Variants in PCDHGA1 observed in about 807,000 individuals in gnomAD.
PCDHGA1 encodes protocadherin gamma subfamily A, 1.
In PCDHGA1, 32 loss-of-function variants were observed where a neutral mutation model predicts 58.0. The ratio of observed to expected loss-of-function variants is 0.55; its 90% CI spans 0.42 to 0.74. The LOEUF is 0.74. Among genes scored for constraint, PCDHGA1 ranks in the 30% least tolerant of loss-of-function variants. The pLI is 0.00. For missense variants in PCDHGA1, 1,205 were observed against 1,182.3 expected, an observed-to-expected ratio of 1.02 and a Z score of -0.28; for synonymous variants, 498 against 501.1, an observed-to-expected ratio of 0.99 and a Z score of 0.08.
chr5:141,392,360 CAATCTGATCATTCTGATCT>C (rs1372415416), intron 1 of PCDHGA1: 2 of 152,712 alleles, frequency 1.3e-5, no homozygotes, highest in Non-Finnish European at 2.9e-5. Context: ...TCCGATGCTA[CAATCTGATCATTCTGATCT>C]AATCTGATCA....
At chr5:141,376,675 C>CGTTTTTT (rs1773024325) in intron 1 of PCDHGA1, 1 of 343,980 alleles carries the variant, frequency 2.9e-6, no homozygotes, top group African/African-American at 3.4e-5. Context: ...GTGAGGGTAT[C>CGTTTTTT]GTTTTTTTTT....
intron 1 of PCDHGA1, among the ~76,000 whole-genome samples, chr5:141,363,316 T>C (rs551675221): frequency 4.6e-5 from 7 of 152,280 alleles, no homozygotes; most frequent in Non-Finnish European, 1.0e-4. Context: ...TAGTTTTCTA[T>C]GAAAGTGTTA....
intron 1 of PCDHGA1, chr5:141,428,067 G>A (rs753358896): frequency 6.2e-7 from 1 of 1,609,228 alleles, no homozygotes; most frequent in South Asian, 1.1e-5. Flanking sequence ...GGTGGACGCA[G>A]ATTCGGGACA....
intron 1 of PCDHGA1, chr5:141,371,582 A>G (rs1442849202): frequency 1.9e-6 from 3 of 1,613,934 alleles, no homozygotes; most frequent in East Asian, 2.2e-5. Context: ...AAATCGTTCA[A>G]GATACCAAAA....
intron 1 of PCDHGA1, among the ~76,000 whole-genome samples, chr5:141,488,394 A>C (rs2099674951): frequency 1.3e-5 from 2 of 152,232 alleles, no homozygotes. Flanking sequence ...TGGTGAAACC[A>C]TGAAACCTAG....
intron 1 of PCDHGA1, among the ~76,000 whole-genome samples, chr5:141,472,001 G>A (rs992798148): frequency 1.1e-4 from 17 of 152,022 alleles, no homozygotes; most frequent in East Asian, 3.9e-4. Context: ...TCCCTGCATC[G>A]TATAGGGGCA....
rs967535805 is a variant in PCDHGA1 at position 141,490,206 on chromosome 5, C to T, written c.2422-4601C>T. 2.4e-5 allele frequency: 38 copies of T among 1,614,050 alleles called. No homozygotes were observed. In the Admixed American group the frequency reaches 5.0e-4, roughly 21 times the overall value. ...GTTTCTATGAAATTCATGCAAGAGCCCGTGACCAGGGACAGCCTGCCATGG... is the reference window on the plus strand; with the variant it reads ...GTTTCTATGAAATTCATGCAAGAGCTCGTGACCAGGGACAGCCTGCCATGG... On this transcript the variant is annotated intron_variant, in intron 1 of 3. Coordinates refer to ENST00000517417, the MANE Select transcript of PCDHGA1 (RefSeq NM_018912.3). This position sits in a 1 kb window ranked among gnomAD's most constrained non-coding sequence, Gnocchi z 5.4.
intron 1 of PCDHGA1, chr5:141,427,320 G>GT: frequency 2.2e-6 from 1 of 457,086 alleles, no homozygotes; most frequent in Non-Finnish European, 4.4e-6. Context: ...CCCAGACGTG[G>GT]TTTTTACTTC....
At chr5:141,418,310 G>A in intron 1 of PCDHGA1, 1 of 1,613,990 alleles carries the variant, frequency 6.2e-7, no homozygotes, top group Non-Finnish European at 8.5e-7. Context: ...CCTGGGGATG[G>A]GAACAATTCT....
chr5:141,416,791 G>A (rs1389798483), intron 1 of PCDHGA1: 2 of 152,166 alleles, frequency 1.3e-5, no homozygotes, highest in South Asian at 2.1e-4. Context: ...TCTACTAAAT[G>A]TGGTAGTATA....
intron 1 of PCDHGA1, chr5:141,344,996 A>G (rs774542255): frequency 1.2e-6 from 2 of 1,613,974 alleles, no homozygotes; most frequent in Non-Finnish European, 1.7e-6. Flanking sequence ...AAATTGAAGC[A>G]CAGGATGGAC....
chr5:141,362,160 C>T (rs1215188936), intron 1 of PCDHGA1: 4 of 1,614,070 alleles, frequency 2.5e-6, no homozygotes, highest in Non-Finnish European at 3.4e-6. Context: ...TGCCAGACCT[C>T]AGCGACCGCC....
intron 1 of PCDHGA1, chr5:141,374,488 G>A (rs777789497): frequency 6.2e-7 from 1 of 1,611,190 alleles, no homozygotes; most frequent in East Asian, 2.2e-5. Flanking sequence ...GATTCTTAAA[G>A]GAAGAATTGG....
At chr5:141,389,572 C>T in intron 1 of PCDHGA1, 3 of 1,613,282 alleles carry the variant, frequency 1.9e-6, no homozygotes, top group Non-Finnish European at 2.5e-6. Flanking sequence ...GTGCTGTACC[C>T]CGCGCTGGGT....
chr5:141,382,777 C>T (rs1778426057), intron 1 of PCDHGA1: 3 of 822,272 alleles, frequency 3.6e-6, no homozygotes, highest in South Asian at 2.0e-5. Flanking sequence ...CTGCACTAAA[C>T]TCAAGCCTCT....
intron 1 of PCDHGA1, chr5:141,378,196 A>C (rs1197830416): frequency 6.6e-6 from 1 of 152,188 alleles, no homozygotes; most frequent in Non-Finnish European, 1.5e-5. Flanking sequence ...TGCCTACTAC[A>C]GTGTCTTTTG....
At chr5:141,478,488 G>A in intron 1 of PCDHGA1, 1 of 1,613,320 alleles carries the variant, frequency 6.2e-7, no homozygotes, top group Non-Finnish European at 8.5e-7. Context: ...ACGCTGCGGA[G>A]CTGTGATCCG....
chr5:141,398,092 T>C (rs748472174), intron 1 of PCDHGA1: 19 of 1,598,994 alleles, frequency 1.2e-5, no homozygotes, highest in Non-Finnish European at 1.6e-5. Flanking sequence ...ACCTGGCGTC[T>C]CCAGGCTGGT....
intron 1 of PCDHGA1, chr5:141,423,975 A>T: frequency 8.9e-7 from 1 of 1,126,024 alleles, no homozygotes; most frequent in Non-Finnish European, 1.1e-6. Flanking sequence ...TTATCAGTGT[A>T]TGAGGCTCTC....
Sources: gnomAD v4.1 joint callset for allele counts (sites outside exome capture counted in the v4.1 genomes callset) on GRCh38, gnomAD v4.1.1 for gene constraint, Gnocchi (gnomAD v3.1) non-coding constraint, MANE v1.5 for transcripts, NCBI Gene and HGNC (gene_info 2026-07-23, HGNC 2026-07-21) for gene names.